Variants in CSMD1 observed in about 807,000 individuals in gnomAD.
The protein encoded by CSMD1 is CUB and sushi domain-containing protein 1.
Under a neutral mutation model 417.5 loss-of-function variants are expected in CSMD1, and 213 were observed. That is an observed-to-expected ratio of 0.51 (90% CI 0.46 to 0.57). The LOEUF (loss-of-function observed/expected upper bound fraction) is 0.57, where lower values mean the gene tolerates loss of function less well. Among genes scored for constraint, CSMD1 ranks in the 20% least tolerant of loss-of-function variants. CSMD1 has a pLI of 0.00. For missense variants in CSMD1, 6,923 were observed against 4,529.7 expected, an observed-to-expected ratio of 1.53 and a Z score of -15.17; for synonymous variants, 2,862 against 1,736.8, an observed-to-expected ratio of 1.65 and a Z score of -16.11.
At chr8:4,476,710 C>T (rs1481337497) in intron 2 of CSMD1, among the ~76,000 whole-genome samples, 2 of 152,278 alleles carry the variant, frequency 1.3e-5, no homozygotes, top group East Asian at 1.9e-4. Context: ...GATTTCACCA[C>T]TCACTTTATG....
At chr8:4,994,031 C>A (rs931148653) in intron 1 of CSMD1, among the ~76,000 whole-genome samples, 8 of 152,178 alleles carry the variant, frequency 5.3e-5, no homozygotes, top group Non-Finnish European at 8.8e-5. Flanking sequence ...ACAGTTCCAG[C>A]CCAACTCGTA....
At chr8:3,772,626 C>A (rs202063978) in intron 5 of CSMD1, among the ~76,000 whole-genome samples, 3 of 123,908 alleles carry the variant, frequency 2.4e-5, no homozygotes, top group Non-Finnish European at 4.8e-5. Context: ...TACATATATA[C>A]ACATATATTT....
At chr8:3,023,621 C>T (rs939126350) in intron 51 of CSMD1, among the ~76,000 whole-genome samples, 19 of 152,008 alleles carry the variant, frequency 1.2e-4, no homozygotes, top group Non-Finnish European at 2.4e-4. Flanking sequence ...ATTAAAGTAG[C>T]CTGGAGTTAG....
At chr8:3,538,671 T>C (rs939276647) in intron 10 of CSMD1, among the ~76,000 whole-genome samples, 1 of 152,250 alleles carries the variant, frequency 6.6e-6, no homozygotes. Context: ...TGGCCTTTTC[T>C]TCCTTAGCAA....
rs530152840 is a variant in CSMD1, at chr8:3,478,904, T to A, written c.1449-10080A>T. Among the ~76,000 whole-genome samples the A allele has an allele frequency of 1.3e-4, 19 of 151,994 alleles. 1 individual carries two copies. The South Asian group carries it at 3.8e-3, about 30-fold the overall frequency. ...TCGTCCCAGTAGGTGTGAGACTGAG[T>A]CTCTTCCCCACCCAGACACAGCGGT... On this transcript the variant is annotated intron_variant, in intron 11 of 69. Transcript: ENST00000635120.
At chr8:4,380,272 A>G (rs1803018312) in intron 3 of CSMD1, among the ~76,000 whole-genome samples, 1 of 152,184 alleles carries the variant, frequency 6.6e-6, no homozygotes, top group Non-Finnish European at 1.5e-5. Context: ...CACCTCTGCC[A>G]GGTGACTAAG....
chr8:4,807,695 T>C (rs1394288387), intron 1 of CSMD1, among the ~76,000 whole-genome samples: 1 of 152,058 alleles, frequency 6.6e-6, no homozygotes, highest in Non-Finnish European at 1.5e-5. Context: ...CTATAAATGT[T>C]TTCTTATATG....
intron 1 of CSMD1, among the ~76,000 whole-genome samples, chr8:4,935,090 T>C (rs994963969): frequency 4.6e-5 from 7 of 152,340 alleles, no homozygotes; most frequent in African/African-American, 1.7e-4. Context: ...ACAGGCCCCA[T>C]GATCAGGATT....
Position 4,593,508 on chromosome 8 carries a change from T to C in CSMD1, c.302+43834A>G, listed in dbSNP as rs915414531. ...AGAACGCTTTTAGAGTCTTGGATTA[T>C]TTTTCAATTATAAATAGCCCATAAA... On this transcript the variant is annotated intron_variant, in intron 2 of 69. Coordinates refer to ENST00000635120, the MANE Select transcript of CSMD1 (RefSeq NM_033225.6). Among the ~76,000 whole-genome samples, 3 of 152,196 alleles carry C rather than the reference T, an allele frequency of 2.0e-5. No individual in the cohort carries two copies. In the South Asian group the frequency reaches 6.2e-4, roughly 32 times the overall value.
intron 3 of CSMD1, among the ~76,000 whole-genome samples, chr8:4,332,223 C>T (rs10104209): frequency 6.6e-6 from 1 of 151,786 alleles, no homozygotes; most frequent in African/African-American, 2.4e-5. Context: ...GGATCCCTCA[C>T]GAAGCTAACG....
At chr8:3,492,705 G>A (rs913630554) in intron 11 of CSMD1, among the ~76,000 whole-genome samples, 2 of 152,154 alleles carry the variant, frequency 1.3e-5, no homozygotes, top group East Asian at 3.9e-4. Flanking sequence ...CTGCAGAACA[G>A]TCTGTGATCC....
At chr8:3,486,903 G>C (rs1423510719) in intron 11 of CSMD1, among the ~76,000 whole-genome samples, 1 of 152,192 alleles carries the variant, frequency 6.6e-6, no homozygotes, top group Non-Finnish European at 1.5e-5. Flanking sequence ...TGTCCAGAGA[G>C]ATCTGGCAAT....
intron 10 of CSMD1, among the ~76,000 whole-genome samples, chr8:3,496,829 C>CA (rs879421273): frequency 1.8e-4 from 27 of 149,626 alleles, no homozygotes; most frequent in Admixed American, 7.3e-4. Context: ...GACTCCGTCT[C>CA]AAAAAAAAAA....
intron 9 of CSMD1, among the ~76,000 whole-genome samples, chr8:3,576,732 T>C (rs1277286464): frequency 6.6e-6 from 1 of 152,134 alleles, no homozygotes; most frequent in Non-Finnish European, 1.5e-5. Flanking sequence ...TACACTAATA[T>C]CTCACTCTCT....
chr8:3,891,332 G>A (rs545347706), intron 5 of CSMD1, among the ~76,000 whole-genome samples: 1 of 152,118 alleles, frequency 6.6e-6, no homozygotes, highest in Non-Finnish European at 1.5e-5. Context: ...TTACAGGCGT[G>A]AGCCACCGCG....
At chr8:4,014,953 G>GTGAA (rs369956391) in intron 4 of CSMD1, among the ~76,000 whole-genome samples, 1 of 152,306 alleles carries the variant, frequency 6.6e-6, no homozygotes, top group African/African-American at 2.4e-5. Context: ...ATGAGATAAC[G>GTGAA]TGAATGACGT....
At chr8:4,521,728 T>C (rs1347632840) in intron 2 of CSMD1, among the ~76,000 whole-genome samples, 1 of 152,124 alleles carries the variant, frequency 6.6e-6, no homozygotes, top group Non-Finnish European at 1.5e-5. Context: ...TCAATAGACA[T>C]AGCTCATAAG....
At chr8:4,663,365 T>C (rs549264233) in intron 1 of CSMD1, among the ~76,000 whole-genome samples, 53 of 152,312 alleles carry the variant, frequency 3.5e-4, no homozygotes, top group African/African-American at 1.3e-3. Context: ...AGGTATTTCT[T>C]TCCTCTAAGG....
intron 3 of CSMD1, among the ~76,000 whole-genome samples, chr8:4,185,134 G>A (rs1294160207): frequency 1.0e-4 from 3 of 29,168 alleles, no homozygotes; most frequent in African/African-American, 4.5e-4. Context: ...GTGAAATTTT[G>A]CCTCAAAAAA....
Sources: allele counts gnomAD v4.1 joint callset (sites outside exome capture counted in the v4.1 genomes callset), GRCh38; gene constraint gnomAD v4.1.1; transcripts MANE v1.5; gene names NCBI Gene and HGNC (gene_info 2026-07-23, HGNC 2026-07-21).